MRPL1: variants seen among roughly 807,000 people sequenced by gnomAD.
MRPL1 encodes mitochondrial ribosomal protein L1, also known as large ribosomal subunit protein uL1m.
A neutral mutation model predicts 38.0 loss-of-function variants in MRPL1; 28 were observed. The observed-to-expected ratio is 0.74, with a 90% CI of 0.55 to 1.01. The LOEUF (loss-of-function observed/expected upper bound fraction) is 1.01, where lower values mean the gene tolerates loss of function less well. Among genes scored for constraint, MRPL1 ranks in the 50% least tolerant of loss-of-function variants. The probability of loss-of-function intolerance (pLI) is 0.00; values close to 1 mark genes in which losing one functional copy is unlikely to be tolerated. For missense variants in MRPL1, 358 were observed against 389.8 expected (o/e 0.92, Z 0.69); for synonymous variants, 123 against 126.7 (o/e 0.97, Z 0.20).
intron 2 of MRPL1, among the ~76,000 whole-genome samples, chr4:77,878,992 C>G (rs1467752080): frequency 6.6e-6 from 1 of 152,138 alleles, no homozygotes. Flanking sequence ...TCTTATTACT[C>G]GTTTAATCTG....
At chr4:77,893,435 A>G (rs1464244951) in intron 5 of MRPL1, among the ~76,000 whole-genome samples, 3 of 152,182 alleles carry the variant, frequency 2.0e-5, no homozygotes, top group Non-Finnish European at 4.4e-5. Context: ...TTTTAAGTAG[A>G]GTATATTAAG....
At chr4:77,866,091 G>T (rs1735136142) in intron 1 of MRPL1, among the ~76,000 whole-genome samples, 1 of 152,186 alleles carries the variant, frequency 6.6e-6, no homozygotes, top group Admixed American at 6.5e-5. Context: ...TTGCTCTGTT[G>T]TCCAGGCTAG....
chr4:77,952,683 A>G lies in MRPL1; in HGVS notation c.*76A>G. ...AATGATAATACAGCATAATTTTTAC[A>G]TTTGATGTCTTGTTATTGATCATAC... On this transcript the variant is annotated 3_prime_UTR_variant, in exon 9 of 9. Coordinates refer to ENST00000315567, the MANE Select transcript of MRPL1 (RefSeq NM_020236.4). The G allele has an allele frequency of 1.1e-6, 1 of 874,146 alleles. No homozygotes were observed. The highest frequency in any genetic ancestry group is 1.6e-5 in the South Asian group (1 of 62,720). 54.1% of individuals were successfully genotyped at this position (874,146 alleles called of 1,614,324 possible).
chr4:77,870,853 A>G (rs1002012273), intron 1 of MRPL1, among the ~76,000 whole-genome samples: 3 of 152,196 alleles, frequency 2.0e-5, no homozygotes, highest in African/African-American at 7.2e-5. Context: ...ATTCACTATT[A>G]AGCTTAAAAA....
At chr4:77,902,778 T>C (rs1736065437) in intron 6 of MRPL1, among the ~76,000 whole-genome samples, 1 of 152,150 alleles carries the variant, frequency 6.6e-6, no homozygotes, top group African/African-American at 2.4e-5. Context: ...ACACATTCCT[T>C]GAAAGACAAA....
intron 1 of MRPL1, among the ~76,000 whole-genome samples, chr4:77,870,422 C>G (rs1055829252): frequency 1.3e-5 from 2 of 152,206 alleles, no homozygotes; most frequent in African/African-American, 4.8e-5. Context: ...AGCCACCACA[C>G]TCAGCAATAA....
intron 7 of MRPL1, among the ~76,000 whole-genome samples, chr4:77,931,455 A>T (rs1160669007): frequency 5.9e-5 from 9 of 152,232 alleles, no homozygotes; most frequent in Non-Finnish European, 1.3e-4. Context: ...ATAACAGAGG[A>T]TATTGAAGCA....
chr4:77,935,434 G>A (rs982570053), intron 7 of MRPL1, among the ~76,000 whole-genome samples: 6 of 151,354 alleles, frequency 4.0e-5, no homozygotes, highest in African/African-American at 1.2e-4. Context: ...TCGCTCTCTC[G>A]CCCAGGCTGG....
chr4:77,919,824 T>G (rs774628093), intron 7 of MRPL1, among the ~76,000 whole-genome samples: 15 of 149,902 alleles, frequency 1.0e-4, no homozygotes, highest in Non-Finnish European at 3.0e-5. Flanking sequence ...ACCTGTAAAA[T>G]CAGATCCATG....
chr4:77,943,613 A>C (rs955870163), intron 7 of MRPL1, among the ~76,000 whole-genome samples: 1 of 152,072 alleles, frequency 6.6e-6, no homozygotes, highest in African/African-American at 2.4e-5. Flanking sequence ...TAATTCAAAA[A>C]TCTTGTCTTC....
At chr4:77,949,300 A>T (rs747429430) in intron 7 of MRPL1, among the ~76,000 whole-genome samples, 10 of 152,206 alleles carry the variant, frequency 6.6e-5, no homozygotes, top group Non-Finnish European at 1.2e-4. Flanking sequence ...GTTATTGCAT[A>T]GTGTTTGAAA....
At chr4:77,885,363 T>G (rs1240190365) in intron 4 of MRPL1, 24 bp downstream of exon 4, 2 of 1,572,068 alleles carry the variant, frequency 1.3e-6, no homozygotes, top group Non-Finnish European at 8.7e-7. Context: ...GTCAACTATT[T>G]ATATCATTTA....
At chr4:77,884,031 T>G (rs910404341) in intron 3 of MRPL1, among the ~76,000 whole-genome samples, 5 of 152,200 alleles carry the variant, frequency 3.3e-5, no homozygotes, top group African/African-American at 1.2e-4. Flanking sequence ...ATTTCCTATT[T>G]CCTCTAAGAG....
At chr4:77,945,676 G>T (rs1440879607) in intron 7 of MRPL1, among the ~76,000 whole-genome samples, 15 of 151,968 alleles carry the variant, frequency 9.9e-5, no homozygotes. Flanking sequence ...TTTACAGCTG[G>T]GTCTCTGGGG....
At chr4:77,902,182 T>C (rs1217122341) in intron 6 of MRPL1, among the ~76,000 whole-genome samples, 2 of 152,188 alleles carry the variant, frequency 1.3e-5, no homozygotes, top group Non-Finnish European at 2.9e-5. Flanking sequence ...GGGATGCAGC[T>C]GAAGCAGTAC....
At chr4:77,928,768 T>A (rs1259424013) in intron 7 of MRPL1, among the ~76,000 whole-genome samples, 1 of 152,126 alleles carries the variant, frequency 6.6e-6, no homozygotes, top group Non-Finnish European at 1.5e-5. Flanking sequence ...GTTACATCAT[T>A]TGAATTATTT....
intron 7 of MRPL1, among the ~76,000 whole-genome samples, chr4:77,945,193 A>G (rs957786855): frequency 2.0e-5 from 3 of 149,986 alleles, no homozygotes; most frequent in Non-Finnish European, 3.0e-5. Context: ...ACTTTATGTT[A>G]TGTAGGAGAC....
chr4:77,903,283 A>T (rs1228429349), intron 6 of MRPL1, among the ~76,000 whole-genome samples: 1 of 152,196 alleles, frequency 6.6e-6, no homozygotes, highest in Non-Finnish European at 1.5e-5. Context: ...GATGCAGAGA[A>T]AGCATTTTGG....
intron 7 of MRPL1, among the ~76,000 whole-genome samples, chr4:77,933,696 G>A (rs776181531): frequency 3.9e-5 from 6 of 152,166 alleles, no homozygotes; most frequent in Non-Finnish European, 4.4e-5. Flanking sequence ...AAGAAGAAGC[G>A]TGGTACAGAA....
Sources: gnomAD v4.1 joint callset for allele counts (sites outside exome capture counted in the v4.1 genomes callset) on GRCh38, gnomAD v4.1.1 for gene constraint, MANE v1.5 for transcripts, NCBI Gene and HGNC (gene_info 2026-07-23, HGNC 2026-07-21) for gene names.